DERA: variants seen among roughly 807,000 people sequenced by gnomAD.
The protein encoded by DERA is deoxyribose-phosphate aldolase.
A neutral mutation model predicts 41.1 loss-of-function variants in DERA; 15 were observed. The observed-to-expected ratio is 0.37, with a 90% confidence interval of 0.24 to 0.56. The LOEUF (loss-of-function observed/expected upper bound fraction) is 0.56. DERA is among the 20% of genes least tolerant of loss of function. DERA has a pLI of 0.81. For synonymous variants in DERA, 139 were observed against 137.4 expected (o/e 1.01, Z -0.08); for missense variants, 396 against 403.4 (o/e 0.98, Z 0.16).
intron 5 of DERA, among the ~76,000 whole-genome samples, chr12:15,969,244 T>A (rs10734890): frequency 0.6 from 91,606 of 152,082 alleles, 28,065 homozygotes; most frequent in East Asian, 0.78. Context: ...TTCCATGCTC[T>A]GTAAATATAC....
In DERA at chr12:15,921,770, A is replaced by G. The variant is rs1033914228; in HGVS notation, c.31+10356A>G. On this transcript the variant is annotated intron_variant, in intron 1 of 8. Coordinates refer to ENST00000428559, the MANE Select transcript of DERA (RefSeq NM_015954.4). This position sits in a 1 kb window ranked among gnomAD's most constrained non-coding sequence, Gnocchi z 5.3. ...AACTTTGTTTCTGCTAGAAATACAT[A>G]AAAAAATTAACCGGGCTTGGTGGCG... Among the ~76,000 whole-genome samples the G allele has an allele frequency of 1.3e-5, 2 of 151,946 alleles. No homozygotes were observed. The highest frequency in any genetic ancestry group is 6.6e-5 in the Admixed American group (1 of 15,246).
At position 16,019,687 on chromosome 12, in the gene DERA, T is replaced by C. The variant is rs551175705; in HGVS notation, c.638-12855T>C. Among the ~76,000 whole-genome samples the C allele has an allele frequency of 6.6e-6, 1 of 152,048 alleles. No homozygotes were observed. Among genetic ancestry groups the C allele is most frequent in the East Asian group, 1.9e-4 (1 of 5,174 alleles). On this transcript the variant is annotated intron_variant, in intron 6 of 8. Transcript: ENST00000428559. The surrounding 1 kb of genome is among the most constrained non-coding windows in gnomAD (Gnocchi z 4.4). ...CTCATCTTTAAATTTTGTCTCTCCT[T>C]GAAGGTCTGTAACACATTCCATCTG...
intron 5 of DERA, among the ~76,000 whole-genome samples, chr12:15,971,388 A>C (rs975478500): frequency 6.6e-6 from 1 of 152,164 alleles, no homozygotes; most frequent in African/African-American, 2.4e-5. Context: ...AAATGAGTTC[A>C]TCTGGCAAAG....
rs543871362 is a variant in DERA at position 15,994,476 on chromosome 12, C to A, written c.637+12040C>A. ...TATTAGAAAATTCTTTTTTTTGAGA[C>A]GGAGTCTCGTTCTGTCGCCCAGGCT... On this transcript the variant is annotated intron_variant, in intron 6 of 8. Coordinates refer to ENST00000428559, the MANE Select transcript of DERA (RefSeq NM_015954.4). The surrounding 1 kb of genome is among the most constrained non-coding windows in gnomAD (Gnocchi z 4.8). 1.3e-5 allele frequency among the ~76,000 whole-genome samples: 2 copies of A among 152,120 alleles called. No homozygotes were observed. The highest frequency in any genetic ancestry group is 4.8e-5 in the African/African-American group (2 of 41,422).
intron 1 of DERA, among the ~76,000 whole-genome samples, chr12:15,917,795 A>G (rs553508749): frequency 1.1e-4 from 16 of 152,012 alleles, no homozygotes; most frequent in African/African-American, 3.9e-4. Flanking sequence ...TTATCTTATA[A>G]TTTCCCTTTC....
Position 15,924,717 on chromosome 12 carries a change from A to G in DERA, c.31+13303A>G, listed in dbSNP as rs140214321. Among the ~76,000 whole-genome samples, 11 of 152,294 alleles carry G rather than the reference A, an allele frequency of 7.2e-5. No individual in the cohort carries two copies. Among genetic ancestry groups the G allele is most frequent in the South Asian group, 2.1e-4 (1 of 4,826 alleles). ...AATGGTAGCCATTATTGTAATTCCAATCGATCCTATATTGTGAAAATACTT... is the reference window on the plus strand; with the variant it reads ...AATGGTAGCCATTATTGTAATTCCAGTCGATCCTATATTGTGAAAATACTT... On this transcript the variant is annotated intron_variant, in intron 1 of 8. Transcript: ENST00000428559. This position sits in a 1 kb window ranked among gnomAD's most constrained non-coding sequence, Gnocchi z 5.0.
intron 5 of DERA, among the ~76,000 whole-genome samples, chr12:15,978,379 T>A (rs1948712691): frequency 6.6e-6 from 1 of 152,216 alleles, no homozygotes; most frequent in African/African-American, 2.4e-5. Context: ...TCGTTAAAGT[T>A]ATTTTTGGGT....
intron 1 of DERA, among the ~76,000 whole-genome samples, chr12:15,929,454 C>T (rs916782951): frequency 1.5e-4 from 23 of 152,140 alleles, no homozygotes; most frequent in African/African-American, 4.3e-4. Context: ...CATAATGTAG[C>T]GGAGGCTTGT....
chr12:15,961,977 C>T lies in DERA; in HGVS notation c.374-836C>T, dbSNP rs529834369. Among the ~76,000 whole-genome samples the T allele has an allele frequency of 2.6e-5, 4 of 152,326 alleles. No homozygotes were observed. The East Asian group carries it at 5.8e-4, about 22-fold the overall frequency. On this transcript the variant is annotated intron_variant, in intron 4 of 8. Coordinates refer to ENST00000428559, the MANE Select transcript of DERA (RefSeq NM_015954.4). Reference sequence around the variant, plus strand: ...CAGGCTAGTCTCAACCTCTTCACCTCGGATGATCCGCTAGCCTTGACCTCC... The same window carrying T: ...CAGGCTAGTCTCAACCTCTTCACCTTGGATGATCCGCTAGCCTTGACCTCC...
At chr12:15,971,508 C>CTT (rs56142412) in intron 5 of DERA, among the ~76,000 whole-genome samples, 497 of 96,970 alleles carry the variant, frequency 5.1e-3, no homozygotes, top group African/African-American at 6.7e-3. Flanking sequence ...TATCTCAACT[C>CTT]TTTTTTTTTT....
At chr12:16,002,518 A>C (rs1278430474) in intron 6 of DERA, among the ~76,000 whole-genome samples, 1 of 152,138 alleles carries the variant, frequency 6.6e-6, no homozygotes, top group African/African-American at 2.4e-5. Flanking sequence ...GTAACATACA[A>C]TGTGACATTT....
In DERA at chr12:15,936,971, C is replaced by T. The variant is rs75822758; in HGVS notation, c.32-19965C>T. On this transcript the variant is annotated intron_variant, in intron 1 of 8. Coordinates refer to ENST00000428559, the MANE Select transcript of DERA (RefSeq NM_015954.4). This position sits in a 1 kb window ranked among gnomAD's most constrained non-coding sequence, Gnocchi z 4.6. ...CCGTCCTGTCCTGCCCTGCCCTGCC[C>T]TGTCTTGTCTTTCTTTTTTGAGATA... 0.019 allele frequency among the ~76,000 whole-genome samples: 2,915 copies of T among 149,660 alleles called. 121 individuals are homozygous for T. Among genetic ancestry groups the T allele is most frequent in the African/African-American group, 0.07 (2,754 of 39,338 alleles).
At position 15,929,637 on chromosome 12, in the gene DERA, G is replaced by T. The variant is rs143764962; in HGVS notation, c.31+18223G>T. Among the ~76,000 whole-genome samples, 950 of 152,214 alleles carry T rather than the reference G, an allele frequency of 6.2e-3. 15 individuals are homozygous for T. Among genetic ancestry groups the T allele is most frequent in the African/African-American group, 0.022 (915 of 41,502 alleles). On this transcript the variant is annotated intron_variant, in intron 1 of 8. Coordinates refer to ENST00000428559, the MANE Select transcript of DERA (RefSeq NM_015954.4). ...AATATATATTTAAGCACAGAAAAAG[G>T]CATTACCAGAGATCTTGAGACTGTT...
At chr12:15,942,637 C>T (rs1229326477) in intron 1 of DERA, among the ~76,000 whole-genome samples, 2 of 152,118 alleles carry the variant, frequency 1.3e-5, no homozygotes, top group Non-Finnish European at 2.9e-5. Flanking sequence ...ATTCTGAGTA[C>T]CCTCAGTAAT....
intron 5 of DERA, among the ~76,000 whole-genome samples, chr12:15,969,240 G>T (rs1330705101): frequency 6.6e-6 from 1 of 152,182 alleles, no homozygotes; most frequent in Admixed American, 6.5e-5. Flanking sequence ...TAGTTTCCAT[G>T]CTCTGTAAAT....
intron 1 of DERA, among the ~76,000 whole-genome samples, chr12:15,945,672 A>G (rs1350545283): frequency 1.3e-5 from 2 of 152,194 alleles, no homozygotes; most frequent in African/African-American, 4.8e-5. Flanking sequence ...TCATCTGCAA[A>G]CAGGTACAAT....
At chr12:16,007,945 T>C (rs1327464032) in intron 6 of DERA, among the ~76,000 whole-genome samples, 1 of 152,116 alleles carries the variant, frequency 6.6e-6, no homozygotes, top group Non-Finnish European at 1.5e-5. Flanking sequence ...CAGCCTGCTG[T>C]GTTCAAGCGA....
intron 5 of DERA, among the ~76,000 whole-genome samples, chr12:15,977,332 CA>C (rs1274324021): frequency 2.0e-5 from 3 of 152,116 alleles, no homozygotes; most frequent in Admixed American, 2.0e-4. Flanking sequence ...GGGATAGAGG[CA>C]GAAAATTTTG....
rs1948898714 is a variant in DERA, at chr12:16,004,757, T to C, written c.637+22321T>C. Among the ~76,000 whole-genome samples, 1 of 152,188 alleles carries C rather than the reference T, an allele frequency of 6.6e-6. No individual in the cohort carries two copies. The highest frequency in any genetic ancestry group is 2.1e-4 in the South Asian group (1 of 4,826). On this transcript the variant is annotated intron_variant, in intron 6 of 8. Coordinates refer to ENST00000428559, the MANE Select transcript of DERA (RefSeq NM_015954.4). The surrounding 1 kb of genome is among the most constrained non-coding windows in gnomAD (Gnocchi z 4.2). ...CAAGGTGGATTATGTTTATTAAATGTTTTTAAAAATTTAAAAAAATCCTAC... is the reference window on the plus strand; with the variant it reads ...CAAGGTGGATTATGTTTATTAAATGCTTTTAAAAATTTAAAAAAATCCTAC...
Sources: allele counts gnomAD v4.1 joint callset (sites outside exome capture counted in the v4.1 genomes callset), GRCh38; gene constraint gnomAD v4.1.1; non-coding constraint Gnocchi (gnomAD v3.1); transcripts MANE v1.5; gene names NCBI Gene and HGNC (gene_info 2026-07-23, HGNC 2026-07-21).